SPTBN5: variants seen among roughly 807,000 people sequenced by gnomAD.
SPTBN5 encodes spectrin beta chain, non-erythrocytic 5.
In SPTBN5, 513 loss-of-function variants were observed where a neutral mutation model predicts 477.6. The ratio of observed to expected loss-of-function variants is 1.07; its 90% CI spans 1.00 to 1.16. The LOEUF (loss-of-function observed/expected upper bound fraction) is 1.16. Among genes scored for constraint, SPTBN5 ranks in the 50% most tolerant of loss-of-function variants. The pLI, the probability that SPTBN5 is intolerant of heterozygous loss-of-function variation, is 0.00. For missense variants in SPTBN5, 5,062 were observed against 4,731.8 expected (o/e 1.07, Z -2.05); for synonymous variants, 2,169 against 2,011.7 (o/e 1.08, Z -2.09).
rs1356063508 is a variant in SPTBN5 at position 41,873,853 on chromosome 15, A to T, written c.4882T>A (p.Phe1628Ile). 1 of 1,610,592 alleles carries T rather than the reference A, an allele frequency of 6.2e-7. No homozygotes were observed. Among genetic ancestry groups the T allele is most frequent in the East Asian group, 2.2e-5 (1 of 44,884 alleles). ...RAQCLQQAVT[F>I]QQYFLDVSEL... ...ACCTCTCTGCATCCTACCTGCTGGA[A>T]AGTGACAGCCTGCTGCAGACACTGG... The change falls in exon 25 of 68, where the codon TTC (phenylalanine) becomes ATC (isoleucine). Residue 1628 changes from phenylalanine (F) to isoleucine (I), a missense_variant. Phe to Ile is a conservative substitution (Grantham distance 21). Transcript: ENST00000320955.
intron 16 of SPTBN5, 92 bp downstream of exon 16, chr15:41,879,167 TC>T: frequency 6.8e-7 from 1 of 1,462,078 alleles, no homozygotes; most frequent in Non-Finnish European, 9.1e-7. Flanking sequence ...TGTCTCCCCA[TC>T]CCAATTTCTG....
At position 41,881,060 on chromosome 15, in the gene SPTBN5, A is replaced by G; in HGVS notation, c.2632T>C (p.Tyr878His). 4 of 1,600,678 alleles carry G rather than the reference A, an allele frequency of 2.5e-6. No homozygotes were observed. Among genetic ancestry groups the G allele is most frequent in the Non-Finnish European group, 3.4e-6 (4 of 1,173,112 alleles). Residue 878 changes from tyrosine to histidine, a missense_variant, in exon 13 of 68, where the codon TAT (tyrosine) becomes CAT (histidine). By Grantham distance (83) the Tyr-to-His change is moderately conservative. Coordinates refer to ENST00000320955, the MANE Select transcript of SPTBN5 (RefSeq NM_016642.4). ...LQTQDHLSQD[Y>H]ESLRALAQLR... ...TGTGCCAGGGCCCGCAGACTCTCAT[A>G]GTCCTGACTCAAGTGGTCCTGTGTC...
chr15:41,858,442 C>G (rs2065991305), intron 49 of SPTBN5, among the ~76,000 whole-genome samples, 160 bp downstream of exon 49: 1 of 152,246 alleles, frequency 6.6e-6, no homozygotes. Context: ...CTTCTTCTCA[C>G]TACACTTCTG....
rs2066548781 is a variant in SPTBN5, at chr15:41,871,822, T to C, written c.5261A>G (p.Lys1754Arg). The change falls in exon 28 of 68, where the codon AAA becomes AGA. Residue 1754 changes from lysine to arginine, a missense_variant. Lys to Arg is a conservative substitution (Grantham distance 26). Transcript: ENST00000320955. ...GWLASQKQAA[K>R]GGESLGEDPE... ...GTCCTCTCCCAGGCTCTCCCCTCCT[T>C]TGGCTGCCTGCTTCTGGCTTGCCAG... 6.3e-7 allele frequency: 1 copy of C among 1,592,540 alleles called. No homozygotes were observed. Among genetic ancestry groups the C allele is most frequent in the African/African-American group, 1.3e-5 (1 of 74,354 alleles).
rs748024252 is a variant in SPTBN5, at chr15:41,875,023, C to A, written c.4321G>T (p.Ala1441Ser). 7 of 1,613,214 alleles carry A rather than the reference C, an allele frequency of 4.3e-6. No individual in the cohort carries two copies. The highest frequency in any genetic ancestry group is 2.7e-5 in the African/African-American group (2 of 74,946). The change falls in exon 23 of 68, where the codon GCC (alanine) becomes TCC (serine). Residue 1441 changes from alanine to serine, a missense_variant. Ala to Ser is a moderately conservative substitution (Grantham distance 99, BLOSUM62 1). Transcript: ENST00000320955. ...TGCCCTGTTTCCGAGCTCTGTAGGG[C>A]CCCTTCGAGCTGCTCCAGCTGCTCC... ...AKEQLEQLEG[A>S]LQSSETGQDL...
At chr15:41,872,714 A>G (rs1290980736) in intron 26 of SPTBN5, among the ~76,000 whole-genome samples, 1 of 152,232 alleles carries the variant, frequency 6.6e-6, no homozygotes, top group Non-Finnish European at 1.5e-5. Flanking sequence ...GGAAAGGTGA[A>G]TGCTGGCTAA....
At chr15:41,849,548 G>A (rs1052925762) in intron 67 of SPTBN5, among the ~76,000 whole-genome samples, 5 of 152,170 alleles carry the variant, frequency 3.3e-5, no homozygotes, top group African/African-American at 7.2e-5. Context: ...TGGGCAGAGG[G>A]AAACCTGGCT....
Position 41,881,085 on chromosome 15 carries a change from C to G in SPTBN5, c.2607G>C (p.Gln869His). The change falls in exon 13 of 68, where the codon CAG (glutamine) becomes CAC (histidine). Residue 869 changes from glutamine to histidine, a missense_variant. Gln to His is a conservative substitution (Grantham distance 24). Transcript: ENST00000320955. ...DPDFDPNTIL[Q>H]TQDHLSQDYE... ...AGTCCTGACTCAAGTGGTCCTGTGT[C>G]TGGAGTATAGTGTTGGGATCAAAGT... The G allele has an allele frequency of 6.2e-7, 1 of 1,610,470 alleles. No individual in the cohort carries two copies.
In SPTBN5 at chr15:41,857,729, A is replaced by G; in HGVS notation, c.8227-19T>C. On this transcript the variant is annotated intron_variant, in intron 49 of 67. Transcript: ENST00000320955. ...GTCCCTCCTGCAGCCACAACATGAA[A>G]CACACCTTGTGGACTCAGGACTGCT... 6.4e-7 allele frequency: 1 copy of G among 1,555,340 alleles called. No homozygotes were observed. The highest frequency in any genetic ancestry group is 8.7e-7 in the Non-Finnish European group (1 of 1,153,600).
Position 41,882,318 on chromosome 15 carries a change from C to T in SPTBN5, c.2198G>A (p.Arg733Gln). 2 of 1,531,454 alleles carry T rather than the reference C, an allele frequency of 1.3e-6. No homozygotes were observed. The highest frequency in any genetic ancestry group is 1.2e-5 in the South Asian group (1 of 83,834). The allele number at this position is 1,531,454 out of a possible 1,614,324, so 94.9% of individuals were successfully genotyped here. The change falls in exon 11 of 68, where the codon CGG (arginine) becomes CAG (glutamine). Residue 733 changes from arginine to glutamine, a missense_variant. By Grantham distance (43) the Arg-to-Gln change is conservative. Transcript: ENST00000320955. ...VQGGWQLLQT[R>Q]VVGRGARLQT... ...CAGCCGTGCGCCCCGCCCCACCACC[C>T]GGGTCTGGAGCAGCTGCCACCCTCC...
intron 34 of SPTBN5, 135 bp downstream of exon 34, chr15:41,867,934 C>A: frequency 8.0e-7 from 1 of 1,249,726 alleles, no homozygotes; most frequent in Non-Finnish European, 1.1e-6. Flanking sequence ...CCATGGCCAC[C>A]TGGAAGGACT....
At chr15:41,887,652 G>C (rs79585866) in intron 5 of SPTBN5, among the ~76,000 whole-genome samples, 2 of 152,218 alleles carry the variant, frequency 1.3e-5, no homozygotes, top group Non-Finnish European at 2.9e-5. Context: ...TGGGGGGCTG[G>C]AGGAATCTCC....
In SPTBN5 at chr15:41,867,278, G is replaced by C. The variant is rs73405218; in HGVS notation, c.6313-152C>G. Among the ~76,000 whole-genome samples the C allele has an allele frequency of 4.2e-3, 640 of 152,296 alleles. 5 individuals carry two copies. Among genetic ancestry groups the C allele is most frequent in the African/African-American group, 0.014 (585 of 41,544 alleles). Reference sequence around the variant, plus strand: ...ATCTGATCCTCCCAGCCACAAGCCAGACCAGTCTGCTCCCCAAGGACCACA... The same window carrying C: ...ATCTGATCCTCCCAGCCACAAGCCACACCAGTCTGCTCCCCAAGGACCACA... On this transcript the variant is annotated intron_variant, in intron 35 of 67. Coordinates refer to ENST00000320955, the MANE Select transcript of SPTBN5 (RefSeq NM_016642.4).
Position 41,862,742 on chromosome 15 carries a change from T to A in SPTBN5, c.7263+48A>T, listed in dbSNP as rs747900538. 3 of 1,545,358 alleles carry A rather than the reference T, an allele frequency of 1.9e-6. No individual in the cohort carries two copies. In the East Asian group the frequency reaches 7.3e-5, roughly 38 times the overall value. ...CCCTCCTCCCCACTTGTGCCCAGGG[T>A]CCTACTCAGGAGATGCCCTGGGCCC... On this transcript the variant is annotated intron_variant, in intron 42 of 67. Coordinates refer to ENST00000320955, the MANE Select transcript of SPTBN5 (RefSeq NM_016642.4).
Position 41,871,860 on chromosome 15 carries a change from G to C in SPTBN5, c.5223C>G (p.Asp1741Glu). Reference sequence around the variant, plus strand: ...TCTGGCTTGCCAGCCAGCCCTGCAGGTCCTCAGCCTCCCTCAGGAACTCAT... The same window carrying C: ...TCTGGCTTGCCAGCCAGCCCTGCAGCTCCTCAGCCTCCCTCAGGAACTCAT... ...RLHEFLREAE[D>E]LQGWLASQKQ... The change falls in exon 28 of 68, where the codon GAC (aspartate) becomes GAG (glutamate). Residue 1741 changes from aspartate (D) to glutamate (E), a missense_variant. Transcript: ENST00000320955. 2 of 1,587,386 alleles carry C rather than the reference G, an allele frequency of 1.3e-6. No individual in the cohort carries two copies. Among genetic ancestry groups the C allele is most frequent in the Non-Finnish European group, 1.7e-6 (2 of 1,167,348 alleles).
intron 3 of SPTBN5, among the ~76,000 whole-genome samples, chr15:41,890,880 A>C (rs1334659046): frequency 6.6e-6 from 1 of 152,216 alleles, no homozygotes; most frequent in Non-Finnish European, 1.5e-5. Flanking sequence ...TCTGGCCCCC[A>C]GCCCCCTGTG....
Position 41,868,223 on chromosome 15 carries a change from G to A in SPTBN5, c.6058-5C>T. The A allele has an allele frequency of 6.3e-7, 1 of 1,581,036 alleles. No homozygotes were observed. The highest frequency in any genetic ancestry group is 8.6e-7 in the Non-Finnish European group (1 of 1,163,604). ...GGCTCGAAGCTCTTCCTGGACCTGGGGATGGACACATGAGGAGCCTCAGCT... is the reference window on the plus strand; with the variant it reads ...GGCTCGAAGCTCTTCCTGGACCTGGAGATGGACACATGAGGAGCCTCAGCT... On this transcript the variant is annotated splice_region_variant and splice_polypyrimidine_tract_variant and intron_variant, in intron 33 of 67. Transcript: ENST00000320955.
chr15:41,880,347 C>A, intron 13 of SPTBN5, 35 bp from the exon 14 acceptor site: 1 of 1,561,926 alleles, frequency 6.4e-7, no homozygotes, highest in South Asian at 1.2e-5. Flanking sequence ...GGGTGAGGGT[C>A]AGGGCCCCCG....
At position 41,854,429 on chromosome 15, in the gene SPTBN5, G is replaced by GC. The variant is rs555953860; in HGVS notation, c.9619-225dup. 3.7e-3 allele frequency among the ~76,000 whole-genome samples: 570 copies of GC among 152,126 alleles called. 7 individuals are homozygous for GC. The highest frequency in any genetic ancestry group is 0.013 in the African/African-American group (548 of 41,440). ...GTGGGGAGGGTGGGGAGAGGAGAGG[G>GC]CCTCGTGCATCTCAGGGAAAGGCAG... On this transcript the variant is annotated intron_variant, in intron 56 of 67. Coordinates refer to ENST00000320955, the MANE Select transcript of SPTBN5 (RefSeq NM_016642.4).
Sources: allele counts gnomAD v4.1 joint callset (sites outside exome capture counted in the v4.1 genomes callset), GRCh38; gene constraint gnomAD v4.1.1; transcripts MANE v1.5; gene names NCBI Gene and HGNC (gene_info 2026-07-23, HGNC 2026-07-21).